Variants in BIVM observed in about 807,000 individuals in gnomAD.
BIVM encodes the protein basic immunoglobulin-like variable motif-containing protein.
In BIVM, 31 loss-of-function variants were observed where a neutral mutation model predicts 61.4. The ratio of observed to expected loss-of-function variants is 0.51; its 90% CI spans 0.38 to 0.68. BIVM has a LOEUF of 0.68. Ranked by LOEUF, BIVM falls within the 30% of genes least tolerant of loss-of-function variation. The pLI is 0.00. For missense variants in BIVM, 526 were observed against 596.0 expected, an observed-to-expected ratio of 0.88 and a Z score of 1.22; for synonymous variants, 189 against 210.7, an observed-to-expected ratio of 0.90 and a Z score of 0.89.
intron 3 of BIVM, among the ~76,000 whole-genome samples, chr13:102,812,722 G>GA (rs1160639712): frequency 2.0e-5 from 3 of 151,666 alleles, no homozygotes; most frequent in Non-Finnish European, 4.4e-5. Flanking sequence ...AAATGGAGAG[G>GA]AAAAAAAACA....
intron 1 of BIVM, among the ~76,000 whole-genome samples, chr13:102,803,158 TA>T (rs35545376): frequency 0.04 from 5,076 of 126,276 alleles, 138 homozygotes; most frequent in East Asian, 0.1. Context: ...CCCTGTTTCT[TA>T]AAAAAAAAAA....
At chr13:102,825,928 A>G (rs1415902622) in intron 7 of BIVM, among the ~76,000 whole-genome samples, 1 of 152,132 alleles carries the variant, frequency 6.6e-6, no homozygotes. Flanking sequence ...TTCTTGGTGC[A>G]CCGTATGGTT....
chr13:102,804,816 A>G (rs1878961462), intron 1 of BIVM, among the ~76,000 whole-genome samples: 1 of 152,166 alleles, frequency 6.6e-6, no homozygotes, highest in Non-Finnish European at 1.5e-5. Flanking sequence ...AGAAAATGGA[A>G]TTTTGCCTAG....
chr13:102,834,474 C>A lies in BIVM; in HGVS notation c.1043C>A (p.Pro348His). The change falls in exon 9 of 11, where the codon CCT becomes CAT. Residue 348 changes from proline (P) to histidine (H), a missense_variant. Transcript: ENST00000257336. The stretch of plus-strand genomic sequence containing the variant: ...ATGTATTTTATATTTAGCAGGGGAC[C>A]TCTCTCACCACAGGAAGTTGAATAT... ...VKANKAFSRGPLSPQEVEYWI... is the reference protein window; with the variant it reads ...VKANKAFSRGHLSPQEVEYWI... 1 of 1,596,296 alleles carries A rather than the reference C, an allele frequency of 6.3e-7. No homozygotes were observed. Among genetic ancestry groups the A allele is most frequent in the South Asian group, 1.1e-5 (1 of 87,476 alleles).
chr13:102,821,904 A>T, intron 6 of BIVM, 57 bp downstream of exon 6: 1 of 1,576,824 alleles, frequency 6.3e-7, no homozygotes, highest in South Asian at 1.1e-5. Flanking sequence ...AATAATAATG[A>T]TGTAGATGTG....
rs1309303354 is a variant in BIVM at position 102,821,219 on chromosome 13, T to C, written c.701+87T>C. 9 of 1,179,684 alleles carry C rather than the reference T, an allele frequency of 7.6e-6. No individual in the cohort carries two copies. In the African/African-American group the frequency reaches 1.1e-4, roughly 14 times the overall value. 73.1% of individuals were successfully genotyped at this position (1,179,684 alleles called of 1,614,324 possible). A position where few individuals can be genotyped will look rare whatever the true frequency, so the allele number is the denominator to read the frequency against. The stretch of plus-strand genomic sequence containing the variant: ...TAACAGAAAAAAATTTAAGAATAGA[T>C]TTTTTATAAATTTAACAAAACCCTG... On this transcript the variant is annotated intron_variant, in intron 5 of 10. Transcript: ENST00000257336.
At chr13:102,833,972 G>C (rs1595364093) in intron 8 of BIVM, among the ~76,000 whole-genome samples, 2 of 152,108 alleles carry the variant, frequency 1.3e-5, no homozygotes, top group Admixed American at 6.5e-5. Context: ...CCTCACTTCT[G>C]CCTGTACCTA....
chr13:102,812,706 A>G (rs971984426), intron 3 of BIVM, among the ~76,000 whole-genome samples: 1 of 152,150 alleles, frequency 6.6e-6, no homozygotes, highest in Non-Finnish European at 1.5e-5. Context: ...TGGCTCCCCA[A>G]ACAGAAAATG....
chr13:102,822,856 G>A (rs1880391342), intron 7 of BIVM, among the ~76,000 whole-genome samples: 1 of 152,168 alleles, frequency 6.6e-6, no homozygotes, highest in Non-Finnish European at 1.5e-5. Context: ...ACTTGTGAAA[G>A]GCCTATTGTA....
intron 9 of BIVM, among the ~76,000 whole-genome samples, chr13:102,835,935 A>AT (rs1169103003): frequency 6.6e-6 from 1 of 152,236 alleles, no homozygotes; most frequent in Non-Finnish European, 1.5e-5. Context: ...AATGTCATCC[A>AT]TGTTTTAGCA....
Position 102,807,836 on chromosome 13 carries a change from T to TATCTA in BIVM, c.478+91_478+92insATCTA. The TATCTA allele has an allele frequency of 2.3e-6, 3 of 1,324,680 alleles. No homozygotes were observed. The highest frequency in any genetic ancestry group is 3.1e-6 in the Non-Finnish European group (3 of 979,876). The allele number at this position is 1,324,680 out of a possible 1,614,324, so 82.1% of individuals were successfully genotyped here. A position where few individuals can be genotyped will look rare whatever the true frequency, so the allele number is the denominator to read the frequency against. ...ATCTTGCCATTACACATAGTTTCCTTGTATAATACTAGATAAGGAACATGG... is the reference window on the plus strand; with the variant it reads ...ATCTTGCCATTACACATAGTTTCCTTATCTAGTATAATACTAGATAAGGAACATGG... On this transcript the variant is annotated intron_variant, in intron 3 of 10. Transcript: ENST00000257336. The surrounding 1 kb of genome is among the most constrained non-coding windows in gnomAD (Gnocchi z 4.0).
chr13:102,810,891 G>T (rs1489498058), intron 3 of BIVM, among the ~76,000 whole-genome samples: 1 of 152,034 alleles, frequency 6.6e-6, no homozygotes, highest in African/African-American at 2.4e-5. Context: ...ACCACGACTG[G>T]CTAATTTTTA....
At chr13:102,806,927 G>T (rs1879148563) in intron 2 of BIVM, among the ~76,000 whole-genome samples, 1 of 151,876 alleles carries the variant, frequency 6.6e-6, no homozygotes. Context: ...AAAAAAATTG[G>T]GCTATTTGCT....
At chr13:102,823,215 T>A (rs1239762980) in intron 7 of BIVM, among the ~76,000 whole-genome samples, 1 of 152,196 alleles carries the variant, frequency 6.6e-6, no homozygotes, top group Non-Finnish European at 1.5e-5. Flanking sequence ...AAGAGAATTG[T>A]TATCAATAGA....
At chr13:102,813,998 C>T (rs933733077) in intron 3 of BIVM, among the ~76,000 whole-genome samples, 2 of 152,088 alleles carry the variant, frequency 1.3e-5, no homozygotes, top group Non-Finnish European at 2.9e-5. Flanking sequence ...TAAAAAAAGA[C>T]AGTGGATTTT....
At chr13:102,808,907 AATTAATTT>A (rs1879291520) in intron 3 of BIVM, among the ~76,000 whole-genome samples, 1 of 152,090 alleles carries the variant, frequency 6.6e-6, no homozygotes, top group South Asian at 2.1e-4. Context: ...TAATACTGGT[AATTAATTT>A]ATTTTCTCTA....
chr13:102,831,016 A>C (rs1054671695), intron 7 of BIVM, among the ~76,000 whole-genome samples: 1 of 152,164 alleles, frequency 6.6e-6, no homozygotes, highest in Non-Finnish European at 1.5e-5. Context: ...CTTGATTATT[A>C]CCTGGAGTTT....
intron 7 of BIVM, among the ~76,000 whole-genome samples, chr13:102,828,574 T>A (rs2140488696): frequency 6.6e-6 from 1 of 152,328 alleles, no homozygotes; most frequent in East Asian, 1.9e-4. Flanking sequence ...CCAATTAATA[T>A]TAGACACAAA....
At chr13:102,819,944 T>C (rs1044251262) in intron 4 of BIVM, among the ~76,000 whole-genome samples, 2 of 152,220 alleles carry the variant, frequency 1.3e-5, no homozygotes, top group Non-Finnish European at 2.9e-5. Context: ...TCATTGTGGC[T>C]ACTTCTTAGC....
Sources: allele counts gnomAD v4.1 joint callset (sites outside exome capture counted in the v4.1 genomes callset), GRCh38; gene constraint gnomAD v4.1.1; non-coding constraint Gnocchi (gnomAD v3.1); transcripts MANE v1.5; gene names NCBI Gene and HGNC (gene_info 2026-07-23, HGNC 2026-07-21).